LAMB4: variants seen among roughly 807,000 people sequenced by gnomAD.
LAMB4 encodes laminin subunit beta 4, also known as laminin subunit beta-4.
In LAMB4, 196 loss-of-function variants were observed where a neutral mutation model predicts 199.2. That is an observed-to-expected ratio of 0.98 (90% confidence interval 0.88 to 1.11). LAMB4 has a LOEUF of 1.11. Ranked by LOEUF, LAMB4 falls within the 50% of genes least tolerant of loss-of-function variation. The pLI, the probability that LAMB4 is intolerant of heterozygous loss-of-function variation, is 0.00. For missense variants in LAMB4, 2,080 were observed against 2,171.2 expected, an observed-to-expected ratio of 0.96 and a Z score of 0.83; for synonymous variants, 744 against 770.6, an observed-to-expected ratio of 0.97 and a Z score of 0.57.
chr7:108,014,812 T>A, the LAMB4 span, among the ~76,000 whole-genome samples: 2 of 151,762 alleles, frequency 1.3e-5, no homozygotes, highest in Admixed American at 6.6e-5. Context: ...AACCTTTGCC[T>A]CCCTGGCTGA....
chr7:108,066,758 C>T (rs1232987495), intron 19 of LAMB4, among the ~76,000 whole-genome samples, 158 bp from the exon 20 acceptor site: 1 of 152,126 alleles, frequency 6.6e-6, no homozygotes, highest in South Asian at 2.1e-4. Flanking sequence ...TCCAGGTAAA[C>T]GTTAAATAAC....
chr7:108,118,863 G>T (rs913877758), intron 2 of LAMB4, among the ~76,000 whole-genome samples: 1 of 152,090 alleles, frequency 6.6e-6, no homozygotes, highest in Non-Finnish European at 1.5e-5. Context: ...GTAAACTATG[G>T]AGTAAGAGAA....
chr7:108,071,648 C>T (rs2036539252), intron 17 of LAMB4, among the ~76,000 whole-genome samples: 1 of 152,192 alleles, frequency 6.6e-6, no homozygotes, highest in South Asian at 2.1e-4. Context: ...AACACTTTTG[C>T]CTAACGCACA....
intron 10 of LAMB4, among the ~76,000 whole-genome samples, chr7:108,100,810 G>A (rs992923979): frequency 3.3e-5 from 5 of 152,182 alleles, no homozygotes; most frequent in African/African-American, 7.2e-5. Flanking sequence ...ATTACAGATT[G>A]TGGTAAAAAC....
chr7:108,060,375 C>T (rs976661846), intron 23 of LAMB4, among the ~76,000 whole-genome samples: 9 of 152,104 alleles, frequency 5.9e-5, no homozygotes, highest in Non-Finnish European at 1.3e-4. Flanking sequence ...CAGGTGGTCA[C>T]GTGGAGATCT....
chr7:108,025,321 T>C (rs10242313), intron 33 of LAMB4, among the ~76,000 whole-genome samples: 24,130 of 143,736 alleles, frequency 0.17, 5,370 homozygotes, highest in African/African-American at 0.53. Flanking sequence ...TGCTCAAAGA[T>C]GAAAGAGCTA....
At position 108,034,265 on chromosome 7, in the gene LAMB4, G is replaced by A. The variant is rs763845029; in HGVS notation, c.4761C>T (p.Asn1587=). Residue 1587 remains asparagine (N), a synonymous_variant, in exon 31 of 34, where the codon AAC becomes AAT. Transcript: ENST00000388781. ...QQAQITQGRA[N]STITQLTANI... ...TGGCAGTCAGCTGTGTAATGGTAGA[G>A]TTTGCCCGTCCTTGAGTGATTTGAG... 3.5e-5 allele frequency: 57 copies of A among 1,613,746 alleles called. No homozygotes were observed. The highest frequency in any genetic ancestry group is 6.7e-5 in the Admixed American group (4 of 59,986).
intron 23 of LAMB4, among the ~76,000 whole-genome samples, chr7:108,059,911 T>A (rs1019693359): frequency 6.6e-6 from 1 of 152,242 alleles, no homozygotes; most frequent in African/African-American, 2.4e-5. Context: ...CTTTATCATA[T>A]TAGCTTACGG....
At chr7:108,078,947 T>C (rs1179953350) in intron 15 of LAMB4, among the ~76,000 whole-genome samples, 6 of 152,202 alleles carry the variant, frequency 3.9e-5, no homozygotes, top group Admixed American at 3.9e-4. Flanking sequence ...GCCTCCAGAA[T>C]GTGGTCCCTA....
At chr7:108,053,754 T>C (rs2035896570) in intron 25 of LAMB4, among the ~76,000 whole-genome samples, 1 of 152,172 alleles carries the variant, frequency 6.6e-6, no homozygotes, top group South Asian at 2.1e-4. Flanking sequence ...AGAACGTCCA[T>C]GGTGGATTGG....
In LAMB4 at chr7:108,079,592, A is replaced by G; in HGVS notation, c.1887+9T>C. The stretch of plus-strand genomic sequence containing the variant: ...TTTTCACCACCAAAGTTGGAGAGTT[A>G]AAGGATACCTGGGTTTCATAGTGAA... On this transcript the variant is annotated intron_variant, in intron 15 of 33. Transcript: ENST00000388781. The G allele has an allele frequency of 6.3e-7, 1 of 1,594,324 alleles. No homozygotes were observed. The highest frequency in any genetic ancestry group is 8.5e-7 in the Non-Finnish European group (1 of 1,171,334).
At chr7:108,022,407 A>G (rs999148220), downstream of LAMB4, among the ~76,000 whole-genome samples, 2 of 152,222 alleles carry the variant, frequency 1.3e-5, no homozygotes, top group African/African-American at 4.8e-5. Flanking sequence ...GGAATTACTG[A>G]ATTTTATAAT....
intron 9 of LAMB4, among the ~76,000 whole-genome samples, chr7:108,103,916 A>C (rs2037906182): frequency 1.3e-5 from 2 of 152,314 alleles, no homozygotes; most frequent in South Asian, 4.2e-4. Context: ...CATTCCCTTA[A>C]ATTCTGTTTT....
At chr7:108,079,471 T>C (rs2036842284) in intron 15 of LAMB4, 130 bp downstream of exon 15, 1 of 753,168 alleles carries the variant, frequency 1.3e-6, no homozygotes, top group Non-Finnish European at 2.1e-6. Context: ...TGGTTTATAA[T>C]GCTCCCCAGA....
downstream of LAMB4, among the ~76,000 whole-genome samples, chr7:108,021,392 A>G (rs1732146): frequency 0.2 from 30,807 of 152,058 alleles, 7,284 homozygotes; most frequent in African/African-American, 0.58. Context: ...TTTGTTTGGT[A>G]GAAGCACTTA....
intron 14 of LAMB4, among the ~76,000 whole-genome samples, chr7:108,080,520 A>C (rs1303873093): frequency 1.3e-5 from 2 of 152,080 alleles, no homozygotes; most frequent in Admixed American, 1.3e-4. Context: ...GCTGCCAACC[A>C]AGCATCTCAA....
At chr7:108,111,260 G>T (rs1243016135) in intron 4 of LAMB4, among the ~76,000 whole-genome samples, 1 of 152,200 alleles carries the variant, frequency 6.6e-6, no homozygotes, top group Non-Finnish European at 1.5e-5. Context: ...GATGGTCAGC[G>T]CCAATGTAGG....
At chr7:108,013,574 A>G in the LAMB4 span, among the ~76,000 whole-genome samples, 2 of 152,184 alleles carry the variant, frequency 1.3e-5, no homozygotes, top group African/African-American at 4.8e-5. Flanking sequence ...ATATAATGGT[A>G]AGTCAAAGTC....
chr7:108,083,222 G>A (rs771651700), intron 14 of LAMB4, among the ~76,000 whole-genome samples: 69 of 152,172 alleles, frequency 4.5e-4, no homozygotes, highest in Non-Finnish European at 6.6e-4. Flanking sequence ...GAGGGTAAGA[G>A]TGTATGTTCA....
Sources: allele counts gnomAD v4.1 joint callset (sites outside exome capture counted in the v4.1 genomes callset), GRCh38; gene constraint gnomAD v4.1.1; transcripts MANE v1.5; gene names NCBI Gene and HGNC (gene_info 2026-07-23, HGNC 2026-07-21).